Variants in GMDS observed in about 807,000 individuals in gnomAD.
The protein encoded by GMDS is GDP-mannose 4,6-dehydratase, also known as GDP-mannose 4,6 dehydratase.
A neutral mutation model predicts 49.9 loss-of-function variants in GMDS; 20 were observed. The observed-to-expected ratio is 0.40, with a 90% confidence interval of 0.28 to 0.58. The LOEUF is 0.58. Ranked by LOEUF, GMDS falls within the 20% of genes least tolerant of loss-of-function variation. GMDS has a pLI of 0.42. For synonymous variants in GMDS, 177 were observed against 178.6 expected (o/e 0.99, Z 0.07); for missense variants, 362 against 481.4 (o/e 0.75, Z 2.32).
intron 7 of GMDS, among the ~76,000 whole-genome samples, chr6:1,861,371 C>T (rs149027980): frequency 7.7e-4 from 118 of 152,264 alleles, no homozygotes; most frequent in African/African-American, 2.7e-3. Flanking sequence ...GAGAATCACA[C>T]CGTCTAGAGG....
At chr6:1,777,888 A>G (rs1166305541) in intron 7 of GMDS, among the ~76,000 whole-genome samples, 4 of 152,222 alleles carry the variant, frequency 2.6e-5, no homozygotes, top group African/African-American at 7.2e-5. Context: ...GTTTGGTATA[A>G]ATATAGCTGA....
intron 1 of GMDS, among the ~76,000 whole-genome samples, chr6:2,202,836 A>G (rs1030904044): frequency 6.6e-6 from 1 of 152,214 alleles, no homozygotes; most frequent in African/African-American, 2.4e-5. Flanking sequence ...GATGGAGCAG[A>G]GACGGAAACA....
intron 7 of GMDS, among the ~76,000 whole-genome samples, chr6:1,928,038 G>C (rs1392595118): frequency 1.3e-5 from 2 of 152,078 alleles, no homozygotes; most frequent in Admixed American, 1.3e-4. Flanking sequence ...TAATCGATTT[G>C]GTTCCTTGAA....
chr6:1,699,737 T>A (rs1244746785), intron 9 of GMDS, among the ~76,000 whole-genome samples: 1 of 152,104 alleles, frequency 6.6e-6, no homozygotes, highest in Non-Finnish European at 1.5e-5. Context: ...CTTCACTCAA[T>A]CCCATTTGCA....
chr6:1,657,608 C>T (rs770675090), intron 9 of GMDS, among the ~76,000 whole-genome samples: 7 of 152,152 alleles, frequency 4.6e-5, no homozygotes, highest in East Asian at 1.9e-4. Flanking sequence ...GGTGTTCACA[C>T]GGCTCTTTCA....
intron 9 of GMDS, among the ~76,000 whole-genome samples, chr6:1,652,406 ATAT>A (rs1343366446): frequency 0.18 from 628 of 3,426 alleles, 39 homozygotes; most frequent in East Asian, 0.28. Context: ...ATATATATAT[ATAT>A]TATATATAAT....
chr6:1,896,599 C>T (rs1278361610), intron 7 of GMDS, among the ~76,000 whole-genome samples: 2 of 152,006 alleles, frequency 1.3e-5, no homozygotes, highest in Admixed American at 6.6e-5. Flanking sequence ...AGGTGAGGGC[C>T]ATGTGAGGCA....
intron 1 of GMDS, among the ~76,000 whole-genome samples, chr6:2,166,368 G>A (rs1419229694): frequency 5.3e-5 from 8 of 152,150 alleles, no homozygotes; most frequent in Admixed American, 5.2e-4. Flanking sequence ...GTCAGTTTCT[G>A]TGCTGTTACT....
intron 7 of GMDS, among the ~76,000 whole-genome samples, chr6:1,770,403 A>G (rs201986904): frequency 1.3e-5 from 2 of 152,348 alleles, no homozygotes; most frequent in East Asian, 3.9e-4. Flanking sequence ...GCTGTGTGGG[A>G]CACAAGGAAC....
chr6:2,241,809 T>A (rs1581849843), intron 1 of GMDS, among the ~76,000 whole-genome samples: 1 of 152,328 alleles, frequency 6.6e-6, no homozygotes, highest in Admixed American at 6.5e-5. Flanking sequence ...CCTCTTTTCT[T>A]TATAAATTAC....
intron 4 of GMDS, among the ~76,000 whole-genome samples, chr6:2,046,083 C>T (rs372111767): frequency 6.6e-6 from 1 of 152,082 alleles, no homozygotes; most frequent in East Asian, 1.9e-4. Flanking sequence ...GTCACACACA[C>T]ACACCTGTAG....
At chr6:1,756,741 TCTC>T (rs1380474997) in intron 7 of GMDS, among the ~76,000 whole-genome samples, 3 of 152,202 alleles carry the variant, frequency 2.0e-5, no homozygotes, top group Admixed American at 6.5e-5. Flanking sequence ...GCACCTCAGT[TCTC>T]CTCCACGTGG....
intron 7 of GMDS, among the ~76,000 whole-genome samples, chr6:1,861,165 G>GT (rs1240953271): frequency 6.6e-6 from 1 of 152,208 alleles, no homozygotes; most frequent in Non-Finnish European, 1.5e-5. Context: ...CCTGGAGGGT[G>GT]ACGTGCACAC....
intron 1 of GMDS, among the ~76,000 whole-genome samples, chr6:2,141,865 G>GCTCTCTCTCTCTCTCTCTCTCTCTCTCT (rs67628075): frequency 5.5e-5 from 8 of 145,590 alleles, no homozygotes; most frequent in Non-Finnish European, 1.0e-4. Context: ...GGTTGTGCGT[G>GCTCTCTCTCTCTCTCTCTCTCTCTCTCT]CTCTCTCTCT....
intron 9 of GMDS, among the ~76,000 whole-genome samples, chr6:1,626,660 T>A (rs1581384426): frequency 6.6e-6 from 1 of 152,180 alleles, no homozygotes; most frequent in South Asian, 2.1e-4. Flanking sequence ...ACACTGGCTG[T>A]AAATCAACCA....
intron 4 of GMDS, among the ~76,000 whole-genome samples, chr6:2,074,580 G>A (rs1303653177): frequency 6.6e-6 from 1 of 151,984 alleles, no homozygotes; most frequent in Non-Finnish European, 1.5e-5. Flanking sequence ...TAAAATCTTT[G>A]TCTAGAACAA....
chr6:2,000,331 G>A (rs914385381), intron 4 of GMDS, among the ~76,000 whole-genome samples: 7 of 151,168 alleles, frequency 4.6e-5, no homozygotes, highest in African/African-American at 9.7e-5. Flanking sequence ...CACCACTCCC[G>A]GACAGTATTT....
At chr6:2,042,512 C>T (rs145644842) in intron 4 of GMDS, among the ~76,000 whole-genome samples, 11 of 152,024 alleles carry the variant, frequency 7.2e-5, no homozygotes, top group Admixed American at 2.6e-4. Flanking sequence ...AAGCTTACAG[C>T]GAAAGAATTA....
chr6:1,939,741 C>T (rs1030726079), intron 6 of GMDS, among the ~76,000 whole-genome samples: 4 of 152,072 alleles, frequency 2.6e-5, no homozygotes, highest in African/African-American at 9.7e-5. Context: ...AAATTGCCAG[C>T]ATTAAACTGA....
Sources: allele counts gnomAD v4.1 joint callset (sites outside exome capture counted in the v4.1 genomes callset), GRCh38; gene constraint gnomAD v4.1.1; transcripts MANE v1.5; gene names NCBI Gene and HGNC (gene_info 2026-07-23, HGNC 2026-07-21).